The following SECISBP2L variants were observed in gnomAD, a reference collection of about 807,000 sequenced individuals.
SECISBP2L encodes the protein selenocysteine insertion sequence-binding protein 2-like.
A neutral mutation model predicts 114.7 loss-of-function variants in SECISBP2L; 43 were observed. That is an observed-to-expected ratio of 0.38 (90% CI 0.29 to 0.48). SECISBP2L has a LOEUF of 0.48. Among genes scored for constraint, SECISBP2L ranks in the 20% least tolerant of loss-of-function variants. SECISBP2L has a pLI of 0.98. For missense variants in SECISBP2L, 1,136 were observed against 1,301.1 expected, an observed-to-expected ratio of 0.87 and a Z score of 1.95; for synonymous variants, 451 against 439.7, an observed-to-expected ratio of 1.03 and a Z score of -0.32.
intron 4 of SECISBP2L, among the ~76,000 whole-genome samples, chr15:49,031,949 C>T (rs1448413005): frequency 6.6e-6 from 1 of 152,120 alleles, no homozygotes; most frequent in Non-Finnish European, 1.5e-5. Flanking sequence ...TTTTCCATAG[C>T]CACTCCAAGT....
In SECISBP2L at chr15:49,019,554, T is replaced by C. The variant is rs1902601520; in HGVS notation, c.1036-2A>G. 3 of 1,465,022 alleles carry C rather than the reference T, an allele frequency of 2.0e-6. No individual in the cohort carries two copies. In the Admixed American group the frequency reaches 8.8e-5, roughly 43 times the overall value. 90.8% of individuals were successfully genotyped at this position (1,465,022 alleles called of 1,614,324 possible). A position where few individuals can be genotyped will look rare whatever the true frequency, so the allele number is the denominator to read the frequency against. On this transcript the variant is annotated splice_acceptor_variant, in intron 7 of 17. Coordinates refer to ENST00000559471, the MANE Select transcript of SECISBP2L (RefSeq NM_001193489.2). LOFTEE classifies it high-confidence loss of function. The stretch of plus-strand genomic sequence containing the variant: ...GTGTCCTCGGCATCTGAATCCAACC[T>C]AAGTAAACCCCAGAGGGGAAAAAAA...
chr15:49,003,671 GC>G (rs982547905), intron 14 of SECISBP2L, among the ~76,000 whole-genome samples: 20 of 152,212 alleles, frequency 1.3e-4, no homozygotes, highest in African/African-American at 4.8e-4. Flanking sequence ...TTTATCGAGG[GC>G]CTCTTCTGCA....
Position 48,992,645 on chromosome 15 carries a change from G to A in SECISBP2L, c.2905C>T (p.Arg969Ter), listed in dbSNP as rs146594630. ...TETGSLDGSC[R>*]DLLNSSITST... ...GTGATGGAGGAATTCAAAAGATCTCGGCAACTGCCATCCAAAGAGCCAGTC... is the reference window on the plus strand; with the variant it reads ...GTGATGGAGGAATTCAAAAGATCTCAGCAACTGCCATCCAAAGAGCCAGTC... Residue 969 changes from arginine to a stop codon, truncating the protein, a stop_gained, in exon 18 of 18, where the codon CGA (arginine) becomes TGA (stop). Transcript: ENST00000559471. LOFTEE classifies it high-confidence loss of function. 1.2e-6 allele frequency: 2 copies of A among 1,614,128 alleles called. No individual in the cohort carries two copies. The highest frequency in any genetic ancestry group is 1.7e-6 in the Non-Finnish European group (2 of 1,180,040).
chr15:49,007,730 C>T (rs1467695875), intron 14 of SECISBP2L, among the ~76,000 whole-genome samples: 3 of 152,176 alleles, frequency 2.0e-5, no homozygotes, highest in Non-Finnish European at 2.9e-5. Flanking sequence ...CAATTTCTAA[C>T]TGAATGTCCT....
In SECISBP2L at chr15:48,996,424, T is replaced by C. The variant is rs767048715; in HGVS notation, c.2566A>G (p.Ile856Val). Residue 856 changes from isoleucine (I) to valine (V), a missense_variant, in exon 17 of 18, where the codon ATT (isoleucine) becomes GTT (valine). This residue lies in a region of SECISBP2L where 684 missense variants were observed against 848.7 expected (regional missense o/e 0.81). Transcript: ENST00000559471. ...HSRNPSAASA[I>V]SFCSVISEPI... ...TCAGAAATAACACTGCAGAAAGAAATGGCACTTGCTGCAGAGGGATTCCGA... is the reference window on the plus strand; with the variant it reads ...TCAGAAATAACACTGCAGAAAGAAACGGCACTTGCTGCAGAGGGATTCCGA... 2 of 1,614,126 alleles carry C rather than the reference T, an allele frequency of 1.2e-6. No homozygotes were observed. Among genetic ancestry groups the C allele is most frequent in the Non-Finnish European group, 1.7e-6 (2 of 1,180,000 alleles).
At chr15:49,016,770 CATTT>C (rs1902545282) in intron 10 of SECISBP2L, 69 bp from the exon 11 acceptor site, 1 of 1,536,268 alleles carries the variant, frequency 6.5e-7, no homozygotes, top group Non-Finnish European at 8.8e-7. Flanking sequence ...AAGATGACTA[CATTT>C]ATCACTCCTT....
At chr15:49,040,964 G>C (rs1181734192) in intron 1 of SECISBP2L, among the ~76,000 whole-genome samples, 2 of 151,520 alleles carry the variant, frequency 1.3e-5, no homozygotes, top group Non-Finnish European at 2.9e-5. Flanking sequence ...CTTGCATAGT[G>C]AACAACAAAA....
At chr15:49,028,968 T>G (rs2141080041) in intron 4 of SECISBP2L, among the ~76,000 whole-genome samples, 1 of 152,086 alleles carries the variant, frequency 6.6e-6, no homozygotes, top group South Asian at 2.1e-4. Context: ...AAGCAATCCT[T>G]CTACCTCAGC....
intron 12 of SECISBP2L, among the ~76,000 whole-genome samples, chr15:49,012,224 G>T (rs943398772): frequency 6.6e-6 from 1 of 151,980 alleles, no homozygotes; most frequent in Admixed American, 6.6e-5. Context: ...ATTTGGACAC[G>T]AATTATCTCA....
chr15:49,012,931 A>C, intron 11 of SECISBP2L, 114 bp from the exon 12 acceptor site: 1 of 999,030 alleles, frequency 1.0e-6, no homozygotes, highest in Non-Finnish European at 1.5e-6. Context: ...AAACGACATC[A>C]TAACAGTAGG....
At chr15:49,028,721 A>C in intron 4 of SECISBP2L, 39 bp from the exon 5 acceptor site, 7 of 1,472,958 alleles carry the variant, frequency 4.8e-6, no homozygotes, top group Non-Finnish European at 6.6e-6. Context: ...CTTTGTGATG[A>C]ACAAATTGAT....
intron 4 of SECISBP2L, among the ~76,000 whole-genome samples, chr15:49,029,681 C>G (rs559935720): frequency 4.6e-4 from 70 of 152,292 alleles, no homozygotes; most frequent in African/African-American, 1.5e-3. Flanking sequence ...ACTGCAAGAA[C>G]TTAGGGGATG....
intron 16 of SECISBP2L, among the ~76,000 whole-genome samples, chr15:48,997,627 C>A (rs1276808587): frequency 6.6e-6 from 1 of 152,128 alleles, no homozygotes; most frequent in African/African-American, 2.4e-5. Context: ...GCCTGTAATC[C>A]CACCACTTTG....
chr15:49,038,683 T>C (rs552553705), intron 1 of SECISBP2L, among the ~76,000 whole-genome samples: 5 of 152,106 alleles, frequency 3.3e-5, no homozygotes, highest in Non-Finnish European at 5.9e-5. Context: ...TTTCTATATG[T>C]TATAGTTAAC....
rs532319346 is a variant in SECISBP2L, at chr15:49,039,254, G to A, written c.25-1485C>T. On this transcript the variant is annotated intron_variant, in intron 1 of 17. Transcript: ENST00000559471. ...GTTGGTTTCTTAAAGATTAACATAA[G>A]AGGCAAAAATATCTTCAAACTCTAA... 1.2e-4 allele frequency among the ~76,000 whole-genome samples: 18 copies of A among 152,112 alleles called. No individual in the cohort carries two copies. The South Asian group carries it at 3.7e-3, about 32-fold the overall frequency.
At position 49,027,478 on chromosome 15, in the gene SECISBP2L, C is replaced by T. The variant is rs1223002502; in HGVS notation, c.922G>A (p.Gly308Ser). The change falls in exon 7 of 18, where the codon GGT (glycine) becomes AGT (serine). Residue 308 changes from glycine (G) to serine (S), a missense_variant and splice_region_variant. By Grantham distance (56) the Gly-to-Ser change is moderately conservative. This residue lies in a region of SECISBP2L where 452 missense variants were observed against 452.3 expected (regional missense o/e 1.00). Transcript: ENST00000559471. ...NHVESSMCAG[G>S]VNWSNVTCQA... is the part of the protein sequence containing the mutation. ...CAAGTTACATTGGACCAATTTACACCACCTATAACAAATGAAATTTTAAAT... is the reference window on the plus strand; with the variant it reads ...CAAGTTACATTGGACCAATTTACACTACCTATAACAAATGAAATTTTAAAT... 1 of 1,525,810 alleles carries T rather than the reference C, an allele frequency of 6.6e-7. No individual in the cohort carries two copies. The highest frequency in any genetic ancestry group is 8.9e-7 in the Non-Finnish European group (1 of 1,122,122). 94.5% of individuals were successfully genotyped at this position (1,525,810 alleles called of 1,614,324 possible). A position where few individuals can be genotyped will look rare whatever the true frequency, so the allele number is the denominator to read the frequency against.
chr15:48,993,645 T>A (rs1902034065), intron 17 of SECISBP2L, among the ~76,000 whole-genome samples: 2 of 151,978 alleles, frequency 1.3e-5, no homozygotes, highest in African/African-American at 4.8e-5. Context: ...AAGCAAAGAA[T>A]CCATCCATGC....
chr15:49,007,341 C>T (rs532173446), intron 14 of SECISBP2L, among the ~76,000 whole-genome samples: 2 of 152,344 alleles, frequency 1.3e-5, no homozygotes, highest in African/African-American at 4.8e-5. Context: ...AGATCCACTG[C>T]TCCTTTCAGA....
rs771702901 is a variant in SECISBP2L at position 49,043,609 on chromosome 15, T to TC, written c.24+2666_24+2667insG. On this transcript the variant is annotated intron_variant, in intron 1 of 17. Transcript: ENST00000559471. Reference sequence around the variant, plus strand: ...TATCCTTCACATCTCAAAATGCAAGTTTTTTTTTTTTTTTCAGGGGAAAAA... The same window carrying TC: ...TATCCTTCACATCTCAAAATGCAAGTCTTTTTTTTTTTTTTCAGGGGAAAAA... 2.8e-3 allele frequency among the ~76,000 whole-genome samples: 16 copies of TC among 5,620 alleles called. No homozygotes were observed. The Non-Finnish European group carries it at 0.037, about 13-fold the overall frequency. The allele number at this position is 5,620 out of a possible 152,430, so 3.7% of individuals were successfully genotyped here.
Sources: allele counts gnomAD v4.1 joint callset (sites outside exome capture counted in the v4.1 genomes callset), GRCh38; gene constraint gnomAD v4.1.1; regional missense constraint gnomAD v4.1.1; transcripts MANE v1.5; gene names NCBI Gene and HGNC (gene_info 2026-07-23, HGNC 2026-07-21).